Variants in PARP1 observed in about 807,000 individuals in gnomAD.
PARP1 encodes the protein poly(ADP-ribose) polymerase 1.
PARP1 carries 44 observed loss-of-function variants against 118.7 expected under a neutral mutation model. The observed-to-expected ratio is 0.37, with a 90% CI of 0.29 to 0.48. The LOEUF is 0.48. Ranked by LOEUF, PARP1 falls within the 20% of genes least tolerant of loss-of-function variation. The pLI is 0.99. For missense variants in PARP1, 1,100 were observed against 1,272.4 expected (o/e 0.86, Z 2.06); for synonymous variants, 492 against 483.2 (o/e 1.02, Z -0.24).
chr1:226,381,974 G>A (rs1027262516), intron 8 of PARP1, among the ~76,000 whole-genome samples: 4 of 152,318 alleles, frequency 2.6e-5, no homozygotes, highest in Admixed American at 2.6e-4. Context: ...AGCAGAGGAG[G>A]GAACCCTCCA....
intron 17 of PARP1, 116 bp downstream of exon 17, chr1:226,367,364 G>A (rs1183460565): frequency 2.1e-5 from 26 of 1,251,984 alleles, no homozygotes; most frequent in South Asian, 1.7e-4. Flanking sequence ...ATTATTGGGC[G>A]CCAGCCACCT....
intron 2 of PARP1, among the ~76,000 whole-genome samples, chr1:226,398,196 G>A (rs187850689): frequency 2.6e-3 from 397 of 152,174 alleles, no homozygotes; most frequent in Admixed American, 5.5e-3. Flanking sequence ...TCTGCTCTGC[G>A]GAAGACCAGC....
chr1:226,379,865 C>G, intron 10 of PARP1, 57 bp downstream of exon 10: 1 of 1,611,766 alleles, frequency 6.2e-7, no homozygotes. Flanking sequence ...TGGACAACAA[C>G]CTGGCCACCA....
chr1:226,388,749 T>C lies in PARP1; in HGVS notation c.624A>G (p.Arg208=), dbSNP rs1447113413. Residue 208 remains arginine, a synonymous_variant, in exon 5 of 23, where the codon AGA becomes AGG. Coordinates refer to ENST00000366794, the MANE Select transcript of PARP1 (RefSeq NM_001618.4). ...QLPGVKSEGK[R]KGDEVDGVDE... ...CCACTCCATCCACCTCATCGCCTTT[T>C]CTCTTTCTGAAGGAGACACAGGATA... The C allele has an allele frequency of 1.2e-6, 2 of 1,613,428 alleles. No homozygotes were observed. The highest frequency in any genetic ancestry group is 3.3e-5 in the Admixed American group (2 of 60,014).
chr1:226,381,275 G>A, intron 8 of PARP1, 67 bp from the exon 9 acceptor site: 2 of 1,590,636 alleles, frequency 1.3e-6, no homozygotes, highest in Middle Eastern at 1.7e-4. Context: ...AAGGGGAGGT[G>A]GAGGAGCAGG....
At chr1:226,385,769 A>G in intron 6 of PARP1, 89 bp from the exon 7 acceptor site, 1 of 1,170,388 alleles carries the variant, frequency 8.5e-7, no homozygotes. Context: ...ACTTGCACAG[A>G]TTCCACTCAC....
intron 7 of PARP1, among the ~76,000 whole-genome samples, 167 bp downstream of exon 7, chr1:226,385,337 A>C (rs1664693838): frequency 1.3e-5 from 2 of 152,236 alleles, no homozygotes; most frequent in African/African-American, 4.8e-5. Flanking sequence ...ACATTTGCGT[A>C]GTTTGCAAAC....
chr1:226,406,306 G>A (rs925683219), intron 1 of PARP1, among the ~76,000 whole-genome samples: 1 of 152,158 alleles, frequency 6.6e-6, no homozygotes, highest in African/African-American at 2.4e-5. Flanking sequence ...TGGACCTCTT[G>A]CCTTCTACCT....
intron 1 of PARP1, among the ~76,000 whole-genome samples, chr1:226,404,853 G>A (rs928259242): frequency 1.3e-4 from 20 of 152,192 alleles, no homozygotes; most frequent in African/African-American, 4.8e-4. Context: ...GTTCCCTTCT[G>A]TGCAGAACAG....
chr1:226,370,300 A>T (rs1191601667), intron 15 of PARP1, 134 bp downstream of exon 15: 5 of 753,140 alleles, frequency 6.6e-6, no homozygotes, highest in Non-Finnish European at 9.7e-6. Flanking sequence ...AAAAAATCGA[A>T]ACCCTCGTGA....
At chr1:226,362,918 A>AACC (rs200043891) in intron 21 of PARP1, among the ~76,000 whole-genome samples, 181 bp downstream of exon 21, 2 of 151,724 alleles carry the variant, frequency 1.3e-5, no homozygotes, top group Admixed American at 6.6e-5. Flanking sequence ...GCAGCATATT[A>AACC]ACCACCACCA....
At chr1:226,396,338 CCT>C (rs1664916611) in intron 2 of PARP1, among the ~76,000 whole-genome samples, 1 of 150,918 alleles carries the variant, frequency 6.6e-6, no homozygotes, top group South Asian at 2.1e-4. Flanking sequence ...AGAGCAAGAC[CCT>C]GTCTCAAAAA....
chr1:226,361,970 C>A lies in PARP1; in HGVS notation c.2962G>T (p.Glu988Ter). The change falls in exon 22 of 23, where the codon GAG (glutamate) becomes TAG (stop). Residue 988 changes from glutamate (E) to a stop codon, truncating the protein, a stop_gained and splice_region_variant. Transcript: ENST00000366794. LOFTEE classifies it high-confidence loss of function. ...GVNDTSLLYN[E>*]YIVYDIAQVN... is the part of the protein sequence containing the mutation. ...CACAGCATACTCAAGAAAGGATACT[C>A]GTTATATAGTAGAGAGGTGTCATTC... The A allele has an allele frequency of 6.5e-7, 1 of 1,543,826 alleles. No individual in the cohort carries two copies. The highest frequency in any genetic ancestry group is 1.1e-5 in the South Asian group (1 of 89,626).
rs1230583614 is a variant in PARP1, at chr1:226,383,124, G to C, written c.1071C>G (p.Phe357Leu). 2.5e-6 allele frequency: 4 copies of C among 1,612,644 alleles called. No homozygotes were observed. The highest frequency in any genetic ancestry group is 2.5e-6 in the Non-Finnish European group (3 of 1,179,348). The change falls in exon 8 of 23, where the codon TTC becomes TTG. Residue 357 changes from phenylalanine to leucine, a missense_variant. This residue lies in a region of PARP1 where 948 missense variants were observed against 1,031.8 expected (regional missense o/e 0.92). Coordinates refer to ENST00000366794, the MANE Select transcript of PARP1 (RefSeq NM_001618.4). ...CCACGGAGGCGCTGGTTTCTGGGGG[G>C]AATATACGGTCCTGTTTTTTAACCT... The part of the protein sequence containing the change: ...KLKVKKQDRI[F>L]PPETSASVAA...
chr1:226,402,189 C>T, intron 2 of PARP1, 25 bp downstream of exon 2: 1 of 1,614,154 alleles, frequency 6.2e-7, no homozygotes, highest in Non-Finnish European at 8.5e-7. Context: ...GGCTGAATGC[C>T]CATGCTGCCC....
intron 2 of PARP1, among the ~76,000 whole-genome samples, chr1:226,400,727 T>G (rs1333417823): frequency 1.3e-5 from 2 of 152,210 alleles, no homozygotes; most frequent in South Asian, 4.1e-4. Flanking sequence ...AGGGCGTGAC[T>G]GTGCAGAGGC....
At chr1:226,392,376 C>A in intron 2 of PARP1, 62 bp from the exon 3 acceptor site, 1 of 1,169,026 alleles carries the variant, frequency 8.6e-7, no homozygotes, top group Non-Finnish European at 1.3e-6. Context: ...CTCAGAGGAG[C>A]CCCGTCCTCT....
At chr1:226,385,075 G>A (rs894185672) in intron 7 of PARP1, among the ~76,000 whole-genome samples, 2 of 152,112 alleles carry the variant, frequency 1.3e-5, no homozygotes, top group Non-Finnish European at 2.9e-5. Context: ...AAGAGAGAAC[G>A]TGCGATACTA....
intron 9 of PARP1, 26 bp from the exon 10 acceptor site, chr1:226,380,190 C>A (rs377296569): frequency 1.3e-4 from 202 of 1,610,910 alleles, no homozygotes; most frequent in African/African-American, 5.6e-4. Context: ...GGAAAAAAAA[C>A]CAAAATACAA....
Sources: gnomAD v4.1 joint callset for allele counts (sites outside exome capture counted in the v4.1 genomes callset) on GRCh38, gnomAD v4.1.1 for gene constraint, gnomAD v4.1.1 regional missense constraint, MANE v1.5 for transcripts, NCBI Gene and HGNC (gene_info 2026-07-23, HGNC 2026-07-21) for gene names.